PAX5: variants seen among roughly 807,000 people sequenced by gnomAD.
The protein encoded by PAX5 is paired box 5, also known as paired box protein Pax-5.
In PAX5, 9 loss-of-function variants were observed where a neutral mutation model predicts 43.7. The observed-to-expected ratio is 0.21, with a 90% CI of 0.12 to 0.36. The LOEUF (loss-of-function observed/expected upper bound fraction) is 0.36. PAX5 is among the 10% of genes least tolerant of loss of function. The pLI is 1.00. For synonymous variants in PAX5, 228 were observed against 214.3 expected (o/e 1.06, Z -0.56); for missense variants, 383 against 532.7 (o/e 0.72, Z 2.77).
At position 36,977,327 on chromosome 9, in the gene PAX5, GA is replaced by G. The variant is rs199891843; in HGVS notation, c.605-10604del. Among the ~76,000 whole-genome samples the G allele has an allele frequency of 8.0e-4, 118 of 147,104 alleles. 2 individuals are homozygous for G. The East Asian group carries it at 0.018, about 23-fold the overall frequency. On this transcript the variant is annotated intron_variant, in intron 5 of 9. Transcript: ENST00000358127. Reference sequence around the variant, plus strand: ...AGATTGGGGGGGTGGGGGGAGGGAAGAAAAAAAAGAGTAACTTGCCCAAGAT... The same window carrying G: ...AGATTGGGGGGGTGGGGGGAGGGAAGAAAAAAAGAGTAACTTGCCCAAGAT...
intron 8 of PAX5, among the ~76,000 whole-genome samples, chr9:36,848,574 T>A (rs1273371749): frequency 5.3e-5 from 8 of 151,984 alleles, no homozygotes; most frequent in Non-Finnish European, 1.2e-4. Flanking sequence ...CTCCTCCTCC[T>A]CAGGTGGGGG....
chr9:36,957,028 T>C (rs2039219), intron 6 of PAX5, among the ~76,000 whole-genome samples: 40 of 12,938 alleles, frequency 3.1e-3, no homozygotes, highest in South Asian at 6.2e-3. Flanking sequence ...TCCCCCCCAC[T>C]TCCACCCTCT....
chr9:36,955,770 C>CAA (rs67265503), intron 6 of PAX5, among the ~76,000 whole-genome samples: 1 of 136,524 alleles, frequency 7.3e-6, no homozygotes, highest in South Asian at 2.4e-4. Flanking sequence ...CTTTTTGTTT[C>CAA]AAAAAAAAAA....
intron 7 of PAX5, among the ~76,000 whole-genome samples, chr9:36,919,698 A>G (rs1829984448): frequency 2.0e-5 from 3 of 151,754 alleles, no homozygotes; most frequent in Admixed American, 6.6e-5. Context: ...AAAATTAGCC[A>G]AGTGTGGTGG....
At chr9:37,001,951 G>A (rs983595157) in intron 5 of PAX5, among the ~76,000 whole-genome samples, 5 of 151,708 alleles carry the variant, frequency 3.3e-5, no homozygotes, top group Admixed American at 2.0e-4. Context: ...TAAGGTGTCC[G>A]GTGTCCAGGA....
intron 3 of PAX5, among the ~76,000 whole-genome samples, chr9:37,009,658 C>A (rs1838761030): frequency 2.0e-5 from 3 of 152,088 alleles, no homozygotes. Context: ...TTTAACTGTA[C>A]ATTTAAAAAT....
intron 1 of PAX5, among the ~76,000 whole-genome samples, chr9:37,027,737 G>T (rs1840561381): frequency 6.6e-6 from 1 of 152,254 alleles, no homozygotes; most frequent in Non-Finnish European, 1.5e-5. Flanking sequence ...CCTCCGGGCG[G>T]GGGCGGGGCG....
At chr9:36,973,138 A>AC (rs1835106536) in intron 5 of PAX5, among the ~76,000 whole-genome samples, 1 of 122,230 alleles carries the variant, frequency 8.2e-6, no homozygotes, top group African/African-American at 2.9e-5. Context: ...AGGAAAGAAA[A>AC]GGAAAGGAAA....
intron 8 of PAX5, among the ~76,000 whole-genome samples, chr9:36,847,962 C>G (rs540308201): frequency 6.6e-6 from 1 of 152,298 alleles, no homozygotes; most frequent in Admixed American, 6.5e-5. Flanking sequence ...CGCCAGGTGC[C>G]CAGTACCCGG....
intron 5 of PAX5, among the ~76,000 whole-genome samples, chr9:36,981,165 C>T (rs1414649681): frequency 7.4e-6 from 1 of 136,052 alleles, no homozygotes; most frequent in African/African-American, 2.7e-5. Flanking sequence ...TCAGTAGGAC[C>T]ACCCTCCAAA....
intron 3 of PAX5, among the ~76,000 whole-genome samples, chr9:37,013,206 A>T (rs1839095485): frequency 6.6e-6 from 1 of 152,258 alleles, no homozygotes; most frequent in Admixed American, 6.5e-5. Context: ...GGCAAACACC[A>T]GACCCATGGT....
chr9:36,966,821 C>A, intron 5 of PAX5, 97 bp from the exon 6 acceptor site: 1 of 1,066,440 alleles, frequency 9.4e-7, no homozygotes, highest in Non-Finnish European at 1.4e-6. Context: ...GACCTGACCC[C>A]AACTCCCTCC....
chr9:36,922,870 C>T (rs1830286704), intron 7 of PAX5: 1 of 157,256 alleles, frequency 6.4e-6, no homozygotes, highest in Non-Finnish European at 1.4e-5. Flanking sequence ...GAGTCTGGCC[C>T]TGGGACTTCC....
chr9:36,882,791 G>A lies in PAX5; in HGVS notation c.911-686C>T, dbSNP rs117596797. On this transcript the variant is annotated intron_variant, in intron 7 of 9. Transcript: ENST00000358127. This position sits in a 1 kb window ranked among gnomAD's most constrained non-coding sequence, Gnocchi z 4.4. ...AGGTTAAGGCCTCAGCCCTCAAGGC[G>A]TGCACACTCCCATGGGCGAGTGTCC... Among the ~76,000 whole-genome samples the A allele has an allele frequency of 0.018, 2,787 of 152,322 alleles. 31 individuals carry two copies. The highest frequency in any genetic ancestry group is 0.065 in the Middle Eastern group (19 of 294).
At chr9:36,911,014 C>T (rs1441453089) in intron 7 of PAX5, among the ~76,000 whole-genome samples, 1 of 152,196 alleles carries the variant, frequency 6.6e-6, no homozygotes, top group Non-Finnish European at 1.5e-5. Context: ...TCCCCGAGCT[C>T]CCCACAAAGC....
intron 4 of PAX5, among the ~76,000 whole-genome samples, chr9:37,004,867 T>C (rs531030134): frequency 1.3e-5 from 2 of 152,328 alleles, no homozygotes; most frequent in South Asian, 4.1e-4. Flanking sequence ...CACCACTTAC[T>C]GGCAACATGA....
At chr9:36,926,797 C>T (rs938798926) in intron 6 of PAX5, among the ~76,000 whole-genome samples, 1 of 152,192 alleles carries the variant, frequency 6.6e-6, no homozygotes, top group Non-Finnish European at 1.5e-5. Flanking sequence ...CTGTTGTGTG[C>T]AACATGATGT....
At chr9:37,019,913 A>T (rs62533712) in intron 2 of PAX5, among the ~76,000 whole-genome samples, 5,704 of 152,266 alleles carry the variant, frequency 0.037, 163 homozygotes, top group Non-Finnish European at 0.061. Context: ...TTGCCTGTCT[A>T]GGTTTGTTTT....
In PAX5 at chr9:36,839,879, G is replaced by A; in HGVS notation, c.*681C>T. ...CAGGAAACCAGGACATCTCCCCAAA[G>A]TGTGCTCCTCTTGGAGAGGGGCCTC... On this transcript the variant is annotated 3_prime_UTR_variant, in exon 10 of 10. Coordinates refer to ENST00000358127, the MANE Select transcript of PAX5 (RefSeq NM_016734.3). 1 of 234,200 alleles carries A rather than the reference G, an allele frequency of 4.3e-6. No individual in the cohort carries two copies. The allele number at this position is 234,200 out of a possible 1,614,324, so 14.5% of individuals were successfully genotyped here.
Sources: gnomAD v4.1 joint callset for allele counts (sites outside exome capture counted in the v4.1 genomes callset) on GRCh38, gnomAD v4.1.1 for gene constraint, Gnocchi (gnomAD v3.1) non-coding constraint, MANE v1.5 for transcripts, NCBI Gene and HGNC (gene_info 2026-07-23, HGNC 2026-07-21) for gene names.